FIGN: variants seen among roughly 807,000 people sequenced by gnomAD.
The protein encoded by FIGN is fidgetin.
Under a neutral mutation model 51.3 loss-of-function variants are expected in FIGN, and 11 were observed. The ratio of observed to expected loss-of-function variants is 0.21; its 90% CI spans 0.13 to 0.35. The LOEUF (loss-of-function observed/expected upper bound fraction) is 0.35. Ranked by LOEUF, FIGN falls within the 10% of genes least tolerant of loss-of-function variation. The pLI, the probability that FIGN is intolerant of heterozygous loss-of-function variation, is 1.00. For missense variants in FIGN, 857 were observed against 943.6 expected (o/e 0.91, Z 1.20); for synonymous variants, 407 against 363.2 (o/e 1.12, Z -1.37).
In FIGN at chr2:163,609,410, C is replaced by T; in HGVS notation, c.*142G>A. On this transcript the variant is annotated 3_prime_UTR_variant, in exon 3 of 3. Transcript: ENST00000333129. ...CACTTTTCCTCCAAATCTACCCTGA[C>T]TCTAAAGATGCAACTTAATCGTCAT... 3 of 711,492 alleles carry T rather than the reference C, an allele frequency of 4.2e-6. No individual in the cohort carries two copies. Among genetic ancestry groups the T allele is most frequent in the Non-Finnish European group, 6.8e-6 (3 of 441,348 alleles). 44.1% of individuals were successfully genotyped at this position (711,492 alleles called of 1,614,324 possible). A position where few individuals can be genotyped will look rare whatever the true frequency, so the allele number is the denominator to read the frequency against.
intron 2 of FIGN, among the ~76,000 whole-genome samples, chr2:163,636,174 T>C (rs555288737): frequency 6.6e-6 from 1 of 152,348 alleles, no homozygotes; most frequent in East Asian, 1.9e-4. Context: ...CAAGCTTGAC[T>C]GTTACTGTAG....
chr2:163,641,735 T>C (rs781138405), intron 2 of FIGN, among the ~76,000 whole-genome samples: 1 of 152,198 alleles, frequency 6.6e-6, no homozygotes. Flanking sequence ...AAATGCCCAA[T>C]GGCAGCAAAT....
At chr2:163,658,639 C>T (rs898329145) in intron 2 of FIGN, among the ~76,000 whole-genome samples, 2 of 152,004 alleles carry the variant, frequency 1.3e-5, no homozygotes, top group Admixed American at 1.3e-4. Context: ...AAGGAGATGC[C>T]TGGCTTTTTT....
In FIGN at chr2:163,709,006, GTC is replaced by G. The variant is rs563421186; in HGVS notation, c.25+25895_25+25896del. The stretch of plus-strand genomic sequence containing the variant: ...TCTCAAAATAGATTCTTCCTGAAGA[GTC>G]TAAGGTACCGTAAATACGGCAATGG... On this transcript the variant is annotated intron_variant, in intron 2 of 2. Transcript: ENST00000333129. Among the ~76,000 whole-genome samples, 275 of 152,286 alleles carry G rather than the reference GTC, an allele frequency of 1.8e-3. 4 individuals are homozygous for G. Among genetic ancestry groups the G allele is most frequent in the Non-Finnish European group, 2.0e-3 (134 of 68,014 alleles).
intron 2 of FIGN, among the ~76,000 whole-genome samples, chr2:163,727,239 A>T (rs1376230491): frequency 6.6e-6 from 1 of 152,144 alleles, no homozygotes; most frequent in Non-Finnish European, 1.5e-5. Context: ...AAAATACAAG[A>T]TTCCAAGTAT....
intron 2 of FIGN, among the ~76,000 whole-genome samples, chr2:163,643,647 T>G: frequency 7.4e-6 from 1 of 135,744 alleles, no homozygotes; most frequent in African/African-American, 2.8e-5. Context: ...CTAGACTCAG[T>G]CTCAAAAAAA....
chr2:163,609,985 A>G lies in FIGN; in HGVS notation c.1847T>C (p.Val616Ala). The change falls in exon 3 of 3, where the codon GTA becomes GCA. Residue 616 changes from valine (V) to alanine (A), a missense_variant. Coordinates refer to ENST00000333129, the MANE Select transcript of FIGN (RefSeq NM_018086.4). Reference protein sequence around the residue: ...RTEFLMQLDTVLTSAEDQIVV... With the variant: ...RTEFLMQLDTALTSAEDQIVV... The stretch of plus-strand genomic sequence containing the variant: ...GATTTGGTCCTCAGCCGAAGTTAGT[A>G]CAGTGTCCAGTTGCATCAGAAATTC... 1 of 1,614,110 alleles carries G rather than the reference A, an allele frequency of 6.2e-7. No individual in the cohort carries two copies. Among genetic ancestry groups the G allele is most frequent in the Non-Finnish European group, 8.5e-7 (1 of 1,180,018 alleles).
At chr2:163,664,501 C>T (rs1403403481) in intron 2 of FIGN, among the ~76,000 whole-genome samples, 2 of 152,082 alleles carry the variant, frequency 1.3e-5, no homozygotes, top group Admixed American at 6.6e-5. Flanking sequence ...GTTCTTTCCC[C>T]GTCTATTTAT....
chr2:163,611,331 G>A lies in FIGN; in HGVS notation c.501C>T (p.Thr167=). The change falls in exon 3 of 3, where the codon ACC becomes ACT. Residue 167 remains threonine, a synonymous_variant. Transcript: ENST00000333129. The stretch of plus-strand genomic sequence containing the variant: ...GACTGGGTACAGTGTGGCTTCCACA[G>A]GTACTACTTGAATAACTAGGTTCTG... ...NLTEPSYSSS[T]CGSHTVPSLH... 1 of 1,614,158 alleles carries A rather than the reference G, an allele frequency of 6.2e-7. No individual in the cohort carries two copies. The highest frequency in any genetic ancestry group is 8.5e-7 in the Non-Finnish European group (1 of 1,180,018).
intron 2 of FIGN, among the ~76,000 whole-genome samples, chr2:163,673,423 T>G (rs1204672057): frequency 6.6e-6 from 1 of 152,138 alleles, no homozygotes; most frequent in Non-Finnish European, 1.5e-5. Context: ...TTTTGTTTTA[T>G]CCTAGATGGT....
Position 163,609,742 on chromosome 2 carries a change from C to A in FIGN, c.2090G>T (p.Cys697Phe). ...GAGGGGGCCCACCACTGCTTCCTGACACAAATGAGCCACATCTAGTCCAGA... is the reference window on the plus strand; with the variant it reads ...GAGGGGGCCCACCACTGCTTCCTGAAACAAATGAGCCACATCTAGTCCAGA... Reference protein sequence around the residue: ...GFSGLDVAHLCQEAVVGPLHA... With the variant: ...GFSGLDVAHLFQEAVVGPLHA... The change falls in exon 3 of 3, where the codon TGT (cysteine) becomes TTT (phenylalanine). Residue 697 changes from cysteine to phenylalanine, a missense_variant. Cys to Phe is a radical substitution (Grantham distance 205). This residue lies in a region of FIGN where 799 missense variants were observed against 849.5 expected (regional missense o/e 0.94). Transcript: ENST00000333129. The A allele has an allele frequency of 6.2e-7, 1 of 1,614,106 alleles. No homozygotes were observed. Among genetic ancestry groups the A allele is most frequent in the Non-Finnish European group, 8.5e-7 (1 of 1,180,014 alleles).
rs1243791445 is a variant in FIGN at position 163,604,425 on chromosome 2, T to C, written c.*5127A>G. On this transcript the variant is annotated 3_prime_UTR_variant, in exon 3 of 3. Transcript: ENST00000333129. ...AGTTCTTTTAAGCAGTCTTGTGTTA[T>C]GAATACAATTAAAAGTCCATCAGTA... 6.6e-6 allele frequency: 1 copy of C among 152,082 alleles called. No individual in the cohort carries two copies. Among genetic ancestry groups the C allele is most frequent in the Non-Finnish European group, 1.5e-5 (1 of 68,004 alleles). 9.4% of individuals were successfully genotyped at this position (152,082 alleles called of 1,614,324 possible). A position where few individuals can be genotyped will look rare whatever the true frequency, so the allele number is the denominator to read the frequency against.
At chr2:163,673,236 G>A (rs1683906525) in intron 2 of FIGN, among the ~76,000 whole-genome samples, 10 of 152,064 alleles carry the variant, frequency 6.6e-5, no homozygotes, top group Admixed American at 4.6e-4. Flanking sequence ...GGATTCATTT[G>A]AGGATTTCTT....
At chr2:163,664,697 T>C (rs887130265) in intron 2 of FIGN, among the ~76,000 whole-genome samples, 2 of 152,226 alleles carry the variant, frequency 1.3e-5, no homozygotes, top group Non-Finnish European at 2.9e-5. Context: ...CTACTAAACC[T>C]ATCTTTAATC....
At chr2:163,643,082 A>G (rs368321120) in intron 2 of FIGN, among the ~76,000 whole-genome samples, 8 of 152,142 alleles carry the variant, frequency 5.3e-5, no homozygotes, top group African/African-American at 1.9e-4. Context: ...AGTAAAAACA[A>G]TCTTATTTAA....
intron 2 of FIGN, among the ~76,000 whole-genome samples, chr2:163,616,813 C>T (rs1000974581): frequency 5.5e-4 from 84 of 152,206 alleles, no homozygotes; most frequent in African/African-American, 2.0e-3. Flanking sequence ...TCTGATGCAA[C>T]AGATTTATCA....
At chr2:163,708,156 G>C (rs1450380695) in intron 2 of FIGN, among the ~76,000 whole-genome samples, 3 of 152,028 alleles carry the variant, frequency 2.0e-5, no homozygotes, top group Admixed American at 2.0e-4. Context: ...AAAATTAAAG[G>C]GGGAAAACAC....
intron 2 of FIGN, among the ~76,000 whole-genome samples, chr2:163,687,218 C>A (rs1219073934): frequency 6.6e-6 from 1 of 152,122 alleles, no homozygotes; most frequent in African/African-American, 2.4e-5. Flanking sequence ...TCCAAGACCA[C>A]CCTAGATTTT....
intron 2 of FIGN, among the ~76,000 whole-genome samples, chr2:163,682,807 TTTC>T (rs1164812969): frequency 1.3e-5 from 2 of 152,210 alleles, no homozygotes; most frequent in East Asian, 3.8e-4. Context: ...TAGCATGACA[TTTC>T]TTCTTACTTT....
Sources: gnomAD v4.1 joint callset for allele counts (sites outside exome capture counted in the v4.1 genomes callset) on GRCh38, gnomAD v4.1.1 for gene constraint, gnomAD v4.1.1 regional missense constraint, MANE v1.5 for transcripts, NCBI Gene and HGNC (gene_info 2026-07-23, HGNC 2026-07-21) for gene names.